The following COL4A4 variants were observed in gnomAD, a reference collection of about 807,000 sequenced individuals.
COL4A4 encodes the protein collagen type IV alpha 4 chain, also known as collagen alpha-4(IV) chain.
In COL4A4, 105 loss-of-function variants were observed where a neutral mutation model predicts 192.9. The observed-to-expected ratio is 0.54, with a 90% CI of 0.46 to 0.64. COL4A4 has a LOEUF of 0.64. Ranked by LOEUF, COL4A4 falls within the 30% of genes least tolerant of loss-of-function variation. The pLI is 0.00. For synonymous variants in COL4A4, 762 were observed against 769.9 expected, an observed-to-expected ratio of 0.99 and a Z score of 0.17; for missense variants, 1,967 against 2,169.3, an observed-to-expected ratio of 0.91 and a Z score of 1.85.
chr2:227,109,455 G>A, intron 9 of COL4A4, 169 bp from the exon 10 acceptor site: 2 of 721,424 alleles, frequency 2.8e-6, no homozygotes, highest in Non-Finnish European at 5.1e-6. Context: ...AGCCCTAAAA[G>A]GGCACCAAGC....
intron 1 of COL4A4, among the ~76,000 whole-genome samples, chr2:227,158,767 A>C (rs1421508354): frequency 6.6e-6 from 1 of 152,072 alleles, no homozygotes; most frequent in African/African-American, 2.4e-5. Context: ...CCACTCTGGG[A>C]TACTTCTGTA....
At chr2:227,107,516 T>C (rs1051151591) in intron 12 of COL4A4, among the ~76,000 whole-genome samples, 1 of 152,214 alleles carries the variant, frequency 6.6e-6, no homozygotes, top group African/African-American at 2.4e-5. Flanking sequence ...TTGTTATATA[T>C]ATTTTTGACT....
the COL4A4 span, chr2:226,995,763 A>AAGAGGGG: frequency 2.0e-6 from 1 of 511,524 alleles, no homozygotes; most frequent in Non-Finnish European, 3.4e-6. Flanking sequence ...CTCCATGAAG[A>AAGAGGGG]GACCAGTTTC....
intron 13 of COL4A4, among the ~76,000 whole-genome samples, chr2:227,103,577 T>C (rs914332345): frequency 2.6e-5 from 4 of 152,258 alleles, no homozygotes; most frequent in African/African-American, 9.6e-5. Context: ...AATTAATATT[T>C]GCCAAGAATC....
At chr2:227,148,266 G>A (rs900918210) in intron 1 of COL4A4, among the ~76,000 whole-genome samples, 5 of 152,162 alleles carry the variant, frequency 3.3e-5, no homozygotes, top group African/African-American at 9.7e-5. Context: ...GTCCATCAGT[G>A]GGTGAATGAA....
At position 227,089,933 on chromosome 2, in the gene COL4A4, G is replaced by T. The variant is rs200411532; in HGVS notation, c.1394C>A (p.Pro465His). 1 of 1,613,526 alleles carries T rather than the reference G, an allele frequency of 6.2e-7. No homozygotes were observed. The highest frequency in any genetic ancestry group is 1.1e-5 in the South Asian group (1 of 91,052). Residue 465 changes from proline (P) to histidine (H), a missense_variant, in exon 21 of 48, where the codon CCC (proline) becomes CAC (histidine). Pro to His is a moderately conservative substitution (Grantham distance 77, BLOSUM62 -2). Coordinates refer to ENST00000396625, the MANE Select transcript of COL4A4 (RefSeq NM_000092.5). Reference protein sequence around the residue: ...SSVIYCSVGNPGPQGIKGKVG... With the variant: ...SSVIYCSVGNHGPQGIKGKVG... ...TTTGCCTTTTATTCCTTGTGGTCCGGGGTTCCCAACACTACAGTATATCAC... is the reference window on the plus strand; with the variant it reads ...TTTGCCTTTTATTCCTTGTGGTCCGTGGTTCCCAACACTACAGTATATCAC...
chr2:227,015,107 G>A (rs767542623), intron 44 of COL4A4, among the ~76,000 whole-genome samples: 1 of 151,898 alleles, frequency 6.6e-6, no homozygotes, highest in African/African-American at 2.4e-5. Context: ...CACCATGTTG[G>A]CCAGGCTGGT....
chr2:227,126,834 T>G (rs2062118811), intron 4 of COL4A4, among the ~76,000 whole-genome samples: 1 of 152,212 alleles, frequency 6.6e-6, no homozygotes, highest in Non-Finnish European at 1.5e-5. Context: ...TTAAATTGTT[T>G]CATGTAAAAG....
At chr2:227,039,035 T>A (rs988017768) in intron 37 of COL4A4, among the ~76,000 whole-genome samples, 1 of 152,220 alleles carries the variant, frequency 6.6e-6, no homozygotes, top group African/African-American at 2.4e-5. Context: ...GGTATGAACA[T>A]GCCAAGTAAT....
chr2:227,025,276 A>G (rs1239621847), intron 43 of COL4A4, among the ~76,000 whole-genome samples: 2 of 152,230 alleles, frequency 1.3e-5, no homozygotes, highest in Admixed American at 6.5e-5. Flanking sequence ...CAGGCACAAA[A>G]TAACACATTG....
At chr2:227,044,777 C>G (rs1271692016) in intron 35 of COL4A4, among the ~76,000 whole-genome samples, 3 of 152,148 alleles carry the variant, frequency 2.0e-5, no homozygotes, top group Non-Finnish European at 4.4e-5. Flanking sequence ...AGATTCATGC[C>G]TTCTCATGAT....
intron 40 of COL4A4, among the ~76,000 whole-genome samples, chr2:227,031,260 G>A (rs760057160): frequency 5.3e-5 from 8 of 152,126 alleles, no homozygotes; most frequent in Non-Finnish European, 1.2e-4. Context: ...TATTTTCAGT[G>A]TATGATCCCT....
At chr2:227,015,997 A>ACCTTTAGCCTCC (rs1964776332) in intron 44 of COL4A4, among the ~76,000 whole-genome samples, 3 of 151,906 alleles carry the variant, frequency 2.0e-5, no homozygotes, top group Non-Finnish European at 4.4e-5. Flanking sequence ...GGCTAAAGGT[A>ACCTTTAGCCTCC]CATCTCCCAT....
the COL4A4 span, among the ~76,000 whole-genome samples, chr2:226,979,320 G>A: frequency 1.4e-4 from 21 of 152,268 alleles, no homozygotes; most frequent in Admixed American, 8.5e-4. Context: ...ATAGAAGGGT[G>A]AGAAAAGCAG....
intron 12 of COL4A4, 177 bp from the exon 13 acceptor site, chr2:227,104,229 C>A: frequency 1.5e-6 from 1 of 650,886 alleles, no homozygotes; most frequent in South Asian, 1.7e-5. Flanking sequence ...AAATTTAATA[C>A]ACACTTATTG....
Position 227,053,551 on chromosome 2 carries a change from T to C in COL4A4, c.2860+1043A>G, listed in dbSNP as rs1052637986. Among the ~76,000 whole-genome samples, 200 of 143,634 alleles carry C rather than the reference T, an allele frequency of 1.4e-3. 1 individual carries two copies. The highest frequency in any genetic ancestry group is 1.5e-3 in the Non-Finnish European group (97 of 65,670). The allele number at this position is 143,634 out of a possible 152,430, so 94.2% of individuals were successfully genotyped here. ...AACATTTTTTTCTTTTTCTTTTTTT[T>C]TTTTTTTTTTTTTGGAGACAGAATC... On this transcript the variant is annotated intron_variant, in intron 31 of 47. Transcript: ENST00000396625.
At chr2:227,028,200 G>A (rs974880920) in intron 41 of COL4A4, among the ~76,000 whole-genome samples, 191 bp from the exon 42 acceptor site, 1 of 152,070 alleles carries the variant, frequency 6.6e-6, no homozygotes, top group Non-Finnish European at 1.5e-5. Flanking sequence ...ACACATGATC[G>A]GCCGAAAGAA....
At chr2:226,988,432 C>T in the COL4A4 span, 24 of 1,550,254 alleles carry the variant, frequency 1.5e-5, no homozygotes, top group African/African-American at 1.4e-4. Context: ...TGAAGCAGGC[C>T]GCAGTTTGGA....
intron 24 of COL4A4, among the ~76,000 whole-genome samples, chr2:227,078,609 A>G (rs532571440): frequency 1.2e-4 from 18 of 152,332 alleles, no homozygotes; most frequent in Non-Finnish European, 1.5e-4. Flanking sequence ...ACTGGAAACA[A>G]TGTGTGTGAT....
Sources: gnomAD v4.1 joint callset for allele counts (sites outside exome capture counted in the v4.1 genomes callset) on GRCh38, gnomAD v4.1.1 for gene constraint, MANE v1.5 for transcripts, NCBI Gene and HGNC (gene_info 2026-07-23, HGNC 2026-07-21) for gene names.